Variants in ADAMTSL1 observed in about 807,000 individuals in gnomAD.
ADAMTSL1 encodes the protein ADAMTS like 1, also known as ADAMTS-like protein 1.
In ADAMTSL1, 126 loss-of-function variants were observed where a neutral mutation model predicts 201.8. That is an observed-to-expected ratio of 0.62 (90% CI 0.54 to 0.72). The LOEUF is 0.72. Ranked by LOEUF, ADAMTSL1 falls within the 30% of genes least tolerant of loss-of-function variation. The pLI is 0.00. For synonymous variants in ADAMTSL1, 1,121 were observed against 903.4 expected, an observed-to-expected ratio of 1.24 and a Z score of -4.32; for missense variants, 2,679 against 2,277.8, an observed-to-expected ratio of 1.18 and a Z score of -3.59.
chr9:18,649,616 C>T (rs1228399531), intron 7 of ADAMTSL1, among the ~76,000 whole-genome samples: 1 of 152,154 alleles, frequency 6.6e-6, no homozygotes, highest in Non-Finnish European at 1.5e-5. Context: ...AGACAGGACC[C>T]TCAGCTGCAG....
intron 1 of ADAMTSL1, among the ~76,000 whole-genome samples, chr9:18,136,774 C>T (rs1467829279): frequency 1.3e-5 from 2 of 152,062 alleles, no homozygotes; most frequent in Admixed American, 1.3e-4. Context: ...GCCTTGTGTA[C>T]TGTGGCAAGG....
rs78314304 is a variant in ADAMTSL1, at chr9:18,837,827, G to A, written c.4249+7850G>A. On this transcript the variant is annotated intron_variant, in intron 23 of 28. Transcript: ENST00000380548. ...TCCTATCTGCCCCTTTACAGAAAAT[G>A]TTTGCCAACCCCTGATCCGGTCCCT... 6.7e-4 allele frequency among the ~76,000 whole-genome samples: 102 copies of A among 152,260 alleles called. No homozygotes were observed. The East Asian group carries it at 0.018, about 27-fold the overall frequency.
chr9:17,914,843 T>C (rs1377527271), intron 1 of ADAMTSL1, among the ~76,000 whole-genome samples: 1 of 152,104 alleles, frequency 6.6e-6, no homozygotes, highest in Non-Finnish European at 1.5e-5. Flanking sequence ...ACAAAATCAA[T>C]GTACAAAAAT....
chr9:18,900,636 G>C (rs1196320807), intron 26 of ADAMTSL1, among the ~76,000 whole-genome samples: 1 of 152,120 alleles, frequency 6.6e-6, no homozygotes, highest in Non-Finnish European at 1.5e-5. Context: ...GACATGGATA[G>C]AGCTGAAAGC....
chr9:18,243,473 C>T (rs1831143633), intron 2 of ADAMTSL1, among the ~76,000 whole-genome samples: 1 of 152,082 alleles, frequency 6.6e-6, no homozygotes, highest in African/African-American at 2.4e-5. Flanking sequence ...ATCAGCTCTC[C>T]TCACACTGAC....
At chr9:18,345,496 T>C (rs1835674798) in intron 2 of ADAMTSL1, among the ~76,000 whole-genome samples, 1 of 152,168 alleles carries the variant, frequency 6.6e-6, no homozygotes, top group Non-Finnish European at 1.5e-5. Flanking sequence ...CTATGTTTTC[T>C]AGGATTTGAC....
chr9:18,014,631 A>G (rs937829755), intron 1 of ADAMTSL1, among the ~76,000 whole-genome samples: 1 of 152,112 alleles, frequency 6.6e-6, no homozygotes, highest in Non-Finnish European at 1.5e-5. Context: ...CCATCTCTGC[A>G]TGCAAAATAG....
chr9:18,515,980 C>T (rs1418425303), intron 2 of ADAMTSL1, among the ~76,000 whole-genome samples: 1 of 151,768 alleles, frequency 6.6e-6, no homozygotes, highest in Non-Finnish European at 1.5e-5. Context: ...CTGAGACTCA[C>T]CTCTCCTTAA....
chr9:18,159,758 T>C (rs1827306301), intron 1 of ADAMTSL1, among the ~76,000 whole-genome samples: 1 of 151,984 alleles, frequency 6.6e-6, no homozygotes, highest in African/African-American at 2.4e-5. Flanking sequence ...CTAGAGCCAC[T>C]GAAAGTCAGG....
chr9:18,216,718 A>G (rs1163524242), intron 2 of ADAMTSL1, among the ~76,000 whole-genome samples: 2 of 92,708 alleles, frequency 2.2e-5, no homozygotes, highest in African/African-American at 8.7e-5. Flanking sequence ...ATTTTCCTTT[A>G]GTTTTTTTCT....
intron 19 of ADAMTSL1, among the ~76,000 whole-genome samples, chr9:18,778,115 C>T (rs1355858809): frequency 6.6e-6 from 1 of 152,244 alleles, no homozygotes; most frequent in Non-Finnish European, 1.5e-5. Context: ...ACTGTCTGTT[C>T]TCATCTTTAT....
In ADAMTSL1 at chr9:18,889,625, G is replaced by T; in HGVS notation, c.4520G>T (p.Gly1507Val). 6.2e-7 allele frequency: 1 copy of T among 1,613,510 alleles called. No individual in the cohort carries two copies. The highest frequency in any genetic ancestry group is 2.2e-5 in the East Asian group (1 of 44,832). ...TGCTCAGCCTCCTGTGGTAACCGGG[G>T]GGTTCAGCAGCCCCGCTTGAGGTGC... is the stretch of plus-strand genomic sequence containing the variant. ...ATCSASCGNR[G>V]VQQPRLRCLL... The change falls in exon 25 of 29, where the codon GGG becomes GTG. Residue 1507 changes from glycine to valine, a missense_variant. Coordinates refer to ENST00000380548, the MANE Select transcript of ADAMTSL1 (RefSeq NM_001040272.6).
intron 2 of ADAMTSL1, among the ~76,000 whole-genome samples, chr9:18,396,309 C>T (rs1215807087): frequency 6.6e-6 from 1 of 152,072 alleles, no homozygotes; most frequent in African/African-American, 2.4e-5. Flanking sequence ...CCCTCCTGGA[C>T]TTATTCAATA....
At chr9:18,194,237 G>A (rs1829084446) in intron 2 of ADAMTSL1, among the ~76,000 whole-genome samples, 1 of 152,034 alleles carries the variant, frequency 6.6e-6, no homozygotes, top group Non-Finnish European at 1.5e-5. Flanking sequence ...TAAACCCTGA[G>A]AATAAAAAAG....
chr9:17,915,045 T>G (rs1826041750), intron 1 of ADAMTSL1, among the ~76,000 whole-genome samples: 1 of 152,220 alleles, frequency 6.6e-6, no homozygotes, highest in Non-Finnish European at 1.5e-5. Flanking sequence ...TGTTTTGCAT[T>G]GTATTGAGGT....
chr9:18,682,776 A>G (rs1830582171), intron 12 of ADAMTSL1, among the ~76,000 whole-genome samples: 1 of 152,160 alleles, frequency 6.6e-6, no homozygotes. Flanking sequence ...GCTCTTTATT[A>G]TACTATAGGT....
chr9:18,753,613 T>G, intron 16 of ADAMTSL1, 105 bp downstream of exon 16: 1 of 1,245,974 alleles, frequency 8.0e-7, no homozygotes, highest in Admixed American at 2.0e-5. Context: ...AAAGGGATGT[T>G]CAAGATCTGC....
intron 3 of ADAMTSL1, among the ~76,000 whole-genome samples, chr9:18,559,406 G>A (rs2132269503): frequency 6.6e-6 from 1 of 152,250 alleles, no homozygotes; most frequent in East Asian, 1.9e-4. Context: ...TTTGGTTACT[G>A]TAGCCTTGTA....
chr9:18,464,506 A>G (rs1392135703), intron 2 of ADAMTSL1, among the ~76,000 whole-genome samples: 1 of 152,258 alleles, frequency 6.6e-6, no homozygotes, highest in Non-Finnish European at 1.5e-5. Context: ...TACATAAGAA[A>G]GGAAAATCCA....
Sources: gnomAD v4.1 joint callset for allele counts (sites outside exome capture counted in the v4.1 genomes callset) on GRCh38, gnomAD v4.1.1 for gene constraint, MANE v1.5 for transcripts, NCBI Gene and HGNC (gene_info 2026-07-23, HGNC 2026-07-21) for gene names.